SNX29: variants seen among roughly 807,000 people sequenced by gnomAD.
SNX29 encodes sorting nexin 29, also known as sorting nexin-29.
Under a neutral mutation model 102.1 loss-of-function variants are expected in SNX29, and 78 were observed. That is an observed-to-expected ratio of 0.76 (90% CI 0.64 to 0.92). The LOEUF (loss-of-function observed/expected upper bound fraction) is 0.92. SNX29 is among the 40% of genes least tolerant of loss of function. The pLI is 0.00. For synonymous variants in SNX29, 580 were observed against 414.5 expected (o/e 1.40, Z -4.85); for missense variants, 1,280 against 1,061.7 (o/e 1.21, Z -2.86).
chr16:12,190,253 C>T (rs2141895365), intron 13 of SNX29, among the ~76,000 whole-genome samples: 1 of 152,234 alleles, frequency 6.6e-6, no homozygotes, highest in South Asian at 2.1e-4. Flanking sequence ...CACTTCCACT[C>T]CTGATTGACC....
chr16:12,334,001 G>A (rs1335768869), intron 15 of SNX29, among the ~76,000 whole-genome samples: 2 of 152,142 alleles, frequency 1.3e-5, no homozygotes, highest in Non-Finnish European at 2.9e-5. Context: ...TGTGGCTGAT[G>A]GGTGTGTTTG....
intron 11 of SNX29, among the ~76,000 whole-genome samples, chr16:12,119,061 T>C (rs2053864385): frequency 6.6e-6 from 1 of 152,216 alleles, no homozygotes. Context: ...CACAGCTTGA[T>C]CTCTTGGACC....
At chr16:12,504,807 CCA>C (rs984601256) in intron 19 of SNX29, among the ~76,000 whole-genome samples, 1 of 152,224 alleles carries the variant, frequency 6.6e-6, no homozygotes, top group African/African-American at 2.4e-5. Flanking sequence ...TTGGTGCTAT[CCA>C]CAGTTTCGGA....
intron 16 of SNX29, among the ~76,000 whole-genome samples, chr16:12,366,193 C>T (rs9944312): frequency 0.063 from 9,548 of 152,042 alleles, 533 homozygotes; most frequent in African/African-American, 0.14. Context: ...GATAGTCTTC[C>T]TTACTGTGGG....
intron 19 of SNX29, among the ~76,000 whole-genome samples, chr16:12,497,023 G>GC (rs2151881764): frequency 6.6e-6 from 1 of 152,280 alleles, no homozygotes; most frequent in South Asian, 2.1e-4. Flanking sequence ...CTTGGGTGAA[G>GC]CCCAAGTGAA....
intron 14 of SNX29, among the ~76,000 whole-genome samples, chr16:12,231,839 A>G (rs967224949): frequency 2.6e-5 from 4 of 152,144 alleles, no homozygotes; most frequent in African/African-American, 9.7e-5. Context: ...AGCTCCTTAT[A>G]TTTGTAATTC....
rs772405917 is a variant in SNX29, at chr16:12,555,443, A to T, written c.2319-13063A>T. Among the ~76,000 whole-genome samples, 28 of 152,068 alleles carry T rather than the reference A, an allele frequency of 1.8e-4. No individual in the cohort carries two copies. In the East Asian group the frequency reaches 2.1e-3, roughly 12 times the overall value. ...GTTGCTTTGTAGGAGACACTCATGT[A>T]CGCAGGGTGTTTCCCTAGTTGACAT... On this transcript the variant is annotated intron_variant, in intron 20 of 20. Coordinates refer to ENST00000566228, the MANE Select transcript of SNX29 (RefSeq NM_032167.5).
intron 20 of SNX29, among the ~76,000 whole-genome samples, chr16:12,559,007 G>C (rs1240607682): frequency 6.6e-6 from 1 of 152,190 alleles, no homozygotes; most frequent in Non-Finnish European, 1.5e-5. Context: ...AGTTATGGGG[G>C]AGAGAGACAA....
intron 19 of SNX29, among the ~76,000 whole-genome samples, chr16:12,478,397 TTTG>T (rs942628114): frequency 3.3e-5 from 5 of 151,826 alleles, no homozygotes; most frequent in African/African-American, 9.7e-5. Flanking sequence ...CTCAGAGGAG[TTTG>T]TTGTTGTTGT....
chr16:12,345,598 C>A (rs892975420), intron 15 of SNX29, among the ~76,000 whole-genome samples: 1 of 152,216 alleles, frequency 6.6e-6, no homozygotes, highest in Non-Finnish European at 1.5e-5. Context: ...AAAACAGTAA[C>A]TGTTGTTGCC....
chr16:12,486,875 T>G (rs1408836040), intron 19 of SNX29, among the ~76,000 whole-genome samples: 1 of 152,204 alleles, frequency 6.6e-6, no homozygotes, highest in Non-Finnish European at 1.5e-5. Context: ...ACTTCCCTGT[T>G]AATCCTAAAC....
At chr16:12,322,823 A>ACCAC (rs1392181465) in intron 15 of SNX29, among the ~76,000 whole-genome samples, 13 of 140,188 alleles carry the variant, frequency 9.3e-5, no homozygotes, top group African/African-American at 4.2e-4. Flanking sequence ...GGAATCACTG[A>ACCAC]TGACCACTGT....
intron 14 of SNX29, among the ~76,000 whole-genome samples, chr16:12,263,868 G>A (rs1189128777): frequency 6.6e-6 from 1 of 152,162 alleles, no homozygotes; most frequent in African/African-American, 2.4e-5. Context: ...TGTTTCATGG[G>A]TTCTGAGAAG....
At position 12,046,376 on chromosome 16, in the gene SNX29, A is replaced by G. The variant is rs748926123; in HGVS notation, c.429-8A>G. On this transcript the variant is annotated splice_region_variant and splice_polypyrimidine_tract_variant and intron_variant, in intron 5 of 20. Transcript: ENST00000566228. ...AAGAACGATTTCCTTTTCTCTTTCAATCTGCAGCACTTTTTATGAAGACTG... is the reference window on the plus strand; with the variant it reads ...AAGAACGATTTCCTTTTCTCTTTCAGTCTGCAGCACTTTTTATGAAGACTG... 6.2e-7 allele frequency: 1 copy of G among 1,613,330 alleles called. No individual in the cohort carries two copies. Among genetic ancestry groups the G allele is most frequent in the Non-Finnish European group, 8.5e-7 (1 of 1,179,432 alleles).
intron 20 of SNX29, among the ~76,000 whole-genome samples, chr16:12,565,022 C>A (rs534961310): frequency 6.6e-6 from 1 of 152,082 alleles, no homozygotes; most frequent in Non-Finnish European, 1.5e-5. Flanking sequence ...GGACGCCAGT[C>A]CTGGGATGAG....
chr16:12,244,961 T>C (rs1157764379), intron 14 of SNX29, among the ~76,000 whole-genome samples: 4 of 152,246 alleles, frequency 2.6e-5, no homozygotes, highest in Non-Finnish European at 4.4e-5. Context: ...GATCTAATTA[T>C]AATATTTGTT....
chr16:12,437,148 T>C (rs1006836254), intron 18 of SNX29, among the ~76,000 whole-genome samples: 6 of 152,288 alleles, frequency 3.9e-5, no homozygotes, highest in Admixed American at 3.9e-4. Context: ...AAACTGTTAC[T>C]GAAATCCTGT....
intron 19 of SNX29, among the ~76,000 whole-genome samples, chr16:12,486,823 T>A (rs527968484): frequency 6.6e-6 from 1 of 152,244 alleles, no homozygotes; most frequent in Non-Finnish European, 1.5e-5. Context: ...ATTTTTAGAG[T>A]TGGGAGTGCT....
chr16:12,539,206 C>T (rs545289165), intron 20 of SNX29, among the ~76,000 whole-genome samples: 13 of 152,312 alleles, frequency 8.5e-5, no homozygotes, highest in African/African-American at 2.6e-4. Flanking sequence ...GAGTAACCAC[C>T]ATCACCGTCA....
Sources: allele counts gnomAD v4.1 joint callset (sites outside exome capture counted in the v4.1 genomes callset), GRCh38; gene constraint gnomAD v4.1.1; transcripts MANE v1.5; gene names NCBI Gene and HGNC (gene_info 2026-07-23, HGNC 2026-07-21).